Variants in MDM2 observed in about 807,000 individuals in gnomAD.
MDM2 encodes MDM2 proto-oncogene, also known as E3 ubiquitin-protein ligase Mdm2.
Under a neutral mutation model 64.3 loss-of-function variants are expected in MDM2, and 11 were observed. The ratio of observed to expected loss-of-function variants is 0.17; its 90% confidence interval spans 0.11 to 0.28. The LOEUF (loss-of-function observed/expected upper bound fraction) is 0.28, where lower values mean the gene tolerates loss of function less well. Among genes scored for constraint, MDM2 ranks in the 10% least tolerant of loss-of-function variants. MDM2 has a pLI of 1.00. For synonymous variants in MDM2, 194 were observed against 192.9 expected, an observed-to-expected ratio of 1.01 and a Z score of -0.05; for missense variants, 388 against 577.1, an observed-to-expected ratio of 0.67 and a Z score of 3.36.
At chr12:68,808,889 G>A in intron 1 of MDM2, 2 of 1,361,376 alleles carry the variant, frequency 1.5e-6, no homozygotes, top group Non-Finnish European at 1.9e-6. Context: ...GGCCGGTTCA[G>A]TGGGCAGGTT....
At chr12:68,820,461 A>T in intron 5 of MDM2, 87 bp downstream of exon 5, 1 of 1,020,854 alleles carries the variant, frequency 9.8e-7, no homozygotes, top group Non-Finnish European at 1.5e-6. Flanking sequence ...TATAATTGTG[A>T]TTCTCTTTAA....
At chr12:68,813,725 A>AT in intron 3 of MDM2, 97 bp downstream of exon 3, 1 of 799,630 alleles carries the variant, frequency 1.3e-6, no homozygotes, top group East Asian at 2.6e-5. Context: ...ATATAGAAGG[A>AT]TTTTTCATTA....
In MDM2 at chr12:68,842,120, A is replaced by T; in HGVS notation, c.*2271A>T. ...AATAATGAGCTTACAGTGGATTTGA[A>T]TTTGAAAAATATAGTAACAAGCCTG... On this transcript the variant is annotated 3_prime_UTR_variant, in exon 11 of 11. Coordinates refer to ENST00000258149, the MANE Select transcript of MDM2 (RefSeq NM_002392.6). The T allele has an allele frequency of 4.6e-6, 2 of 431,664 alleles. No individual in the cohort carries two copies. The highest frequency in any genetic ancestry group is 2.0e-5 in the South Asian group (1 of 49,838). 26.7% of individuals were successfully genotyped at this position (431,664 alleles called of 1,614,324 possible). A position where few individuals can be genotyped will look rare whatever the true frequency, so the allele number is the denominator to read the frequency against.
intron 4 of MDM2, among the ~76,000 whole-genome samples, chr12:68,818,139 G>A (rs1202804275): frequency 2.0e-5 from 3 of 152,084 alleles, no homozygotes; most frequent in South Asian, 2.1e-4. Flanking sequence ...CAGGCAATCC[G>A]TGTTGAGCCT....
At chr12:68,832,743 C>T (rs1390183809) in intron 8 of MDM2, among the ~76,000 whole-genome samples, 1 of 151,694 alleles carries the variant, frequency 6.6e-6, no homozygotes, top group African/African-American at 2.4e-5. Context: ...GGTCTCAAAC[C>T]GCTGGGCTTA....
Position 68,840,013 on chromosome 12 carries a change from C to T in MDM2, c.*164C>T. The T allele has an allele frequency of 1.7e-6, 1 of 602,240 alleles. No homozygotes were observed. Among genetic ancestry groups the T allele is most frequent in the Non-Finnish European group, 2.8e-6 (1 of 357,080 alleles). 37.3% of individuals were successfully genotyped at this position (602,240 alleles called of 1,614,324 possible). On this transcript the variant is annotated 3_prime_UTR_variant, in exon 11 of 11. Transcript: ENST00000258149. ...TACTTTGGTAGTGGAATAGTGAATACTTACTATAATTTGACTTGAATATGT... is the reference window on the plus strand; with the variant it reads ...TACTTTGGTAGTGGAATAGTGAATATTTACTATAATTTGACTTGAATATGT...
chr12:68,840,552 C>T lies in MDM2; in HGVS notation c.*703C>T, dbSNP rs1056471319. The stretch of plus-strand genomic sequence containing the variant: ...TTTGTTTTGAGATGAGTCTCTCTGT[C>T]GCCCAGGCTGGAGTGCAGTGTCATG... On this transcript the variant is annotated 3_prime_UTR_variant, in exon 11 of 11. Coordinates refer to ENST00000258149, the MANE Select transcript of MDM2 (RefSeq NM_002392.6). 1.1e-5 allele frequency: 2 copies of T among 189,222 alleles called. No homozygotes were observed. The highest frequency in any genetic ancestry group is 6.3e-5 in the Admixed American group (1 of 15,902). 11.7% of individuals were successfully genotyped at this position (189,222 alleles called of 1,614,324 possible). A position where few individuals can be genotyped will look rare whatever the true frequency, so the allele number is the denominator to read the frequency against.
intron 5 of MDM2, among the ~76,000 whole-genome samples, chr12:68,822,848 C>T (rs533519679): frequency 8.6e-5 from 13 of 151,724 alleles, no homozygotes; most frequent in African/African-American, 2.4e-4. Context: ...TTAAGTGATT[C>T]TCCTTCCTCA....
chr12:68,828,940 C>A lies in MDM2; in HGVS notation c.684+9C>A, dbSNP rs1196878163. On this transcript the variant is annotated intron_variant, in intron 8 of 10. Coordinates refer to ENST00000258149, the MANE Select transcript of MDM2 (RefSeq NM_002392.6). The stretch of plus-strand genomic sequence containing the variant: ...GGACGCCATCGAATCCGGTAATGTT[C>A]TCATTTTAAGTAAGGCAAGACTCTT... 1 of 1,613,374 alleles carries A rather than the reference C, an allele frequency of 6.2e-7. No homozygotes were observed. The highest frequency in any genetic ancestry group is 8.5e-7 in the Non-Finnish European group (1 of 1,179,606).
intron 7 of MDM2, among the ~76,000 whole-genome samples, chr12:68,826,564 G>A (rs866331105): frequency 2.7e-5 from 4 of 148,436 alleles, no homozygotes; most frequent in South Asian, 4.3e-4. Flanking sequence ...CAGGAGAATC[G>A]CTTGAACCTG....
Position 68,840,016 on chromosome 12 carries a change from A to G in MDM2, c.*167A>G. The G allele has an allele frequency of 1.7e-6, 1 of 594,992 alleles. No individual in the cohort carries two copies. The highest frequency in any genetic ancestry group is 2.5e-5 in the South Asian group (1 of 39,272). 36.9% of individuals were successfully genotyped at this position (594,992 alleles called of 1,614,324 possible). On this transcript the variant is annotated 3_prime_UTR_variant, in exon 11 of 11. Coordinates refer to ENST00000258149, the MANE Select transcript of MDM2 (RefSeq NM_002392.6). ...TTTGGTAGTGGAATAGTGAATACTTACTATAATTTGACTTGAATATGTAGC... is the reference window on the plus strand; with the variant it reads ...TTTGGTAGTGGAATAGTGAATACTTGCTATAATTTGACTTGAATATGTAGC...
chr12:68,837,378 GAGA>G (rs1883397810), intron 10 of MDM2, among the ~76,000 whole-genome samples: 1 of 143,358 alleles, frequency 7.0e-6, no homozygotes, highest in African/African-American at 2.6e-5. Context: ...TTTTTCAATT[GAGA>G]TAGGGTCCTG....
At chr12:68,810,040 G>C (rs1880723865) in intron 2 of MDM2, among the ~76,000 whole-genome samples, 1 of 152,022 alleles carries the variant, frequency 6.6e-6, no homozygotes, top group South Asian at 2.1e-4. Flanking sequence ...GGCTGGCCTC[G>C]GTGGCTCACC....
chr12:68,809,782 G>C (rs942116431), intron 2 of MDM2, among the ~76,000 whole-genome samples: 2 of 152,090 alleles, frequency 1.3e-5, no homozygotes, highest in Non-Finnish European at 2.9e-5. Flanking sequence ...TGTCCTGTTT[G>C]TTGTACTAAC....
At chr12:68,835,757 G>C (rs1231532688) in intron 8 of MDM2, 72 bp from the exon 9 acceptor site, 1 of 1,420,934 alleles carries the variant, frequency 7.0e-7, no homozygotes, top group Non-Finnish European at 9.6e-7. Context: ...GAGGCACAGG[G>C]ATGAGTTAGG....
At chr12:68,816,023 A>G (rs1193440152) in intron 3 of MDM2, among the ~76,000 whole-genome samples, 1 of 152,126 alleles carries the variant, frequency 6.6e-6, no homozygotes, top group Non-Finnish European at 1.5e-5. Flanking sequence ...CATTCTCAGA[A>G]TTCTCTCAAA....
In MDM2 at chr12:68,828,831, T is replaced by G. The variant is rs370504060; in HGVS notation, c.584T>G (p.Ile195Ser). 6.2e-7 allele frequency: 1 copy of G among 1,614,002 alleles called. No individual in the cohort carries two copies. Among genetic ancestry groups the G allele is most frequent in the Non-Finnish European group, 8.5e-7 (1 of 1,180,000 alleles). Residue 195 changes from isoleucine (I) to serine (S), a missense_variant, in exon 8 of 11, where the codon ATT (isoleucine) becomes AGT (serine). Physicochemically the swap from Ile to Ser is moderately radical, Grantham distance 142 (BLOSUM62 -2). Around this residue, in one of 5 missense-constraint regions of MDM2, gnomAD observed 168 missense variants for 236.6 expected, o/e 0.71. Coordinates refer to ENST00000258149, the MANE Select transcript of MDM2 (RefSeq NM_002392.6). ...AGAAAACGCCACAAATCTGATAGTA[T>G]TTCCCTTTCCTTTGATGAAAGCCTG... ...RQRKRHKSDSISLSFDESLAL... is the reference protein window; with the variant it reads ...RQRKRHKSDSSSLSFDESLAL...
At chr12:68,820,230 AGTAT>A in intron 4 of MDM2, 91 bp from the exon 5 acceptor site, 1 of 886,514 alleles carries the variant, frequency 1.1e-6, no homozygotes, top group East Asian at 2.5e-5. Flanking sequence ...GTTCATACTA[AGTAT>A]GTATGTAGAA....
Position 68,808,495 on chromosome 12 carries a change from C to G in MDM2, c.14+4C>G, listed in dbSNP as rs1294173107. On this transcript the variant is annotated splice_donor_region_variant and intron_variant, in intron 1 of 10. Transcript: ENST00000258149. ...AACCCCGGATGGTGAGGAGCAGGTA[C>G]TGGCCCGGCAGCGAGCGGTCACTTT... 6 of 1,614,140 alleles carry G rather than the reference C, an allele frequency of 3.7e-6. No individual in the cohort carries two copies. Among genetic ancestry groups the G allele is most frequent in the Non-Finnish European group, 5.1e-6 (6 of 1,179,998 alleles).
Sources: gnomAD v4.1 joint callset for allele counts (sites outside exome capture counted in the v4.1 genomes callset) on GRCh38, gnomAD v4.1.1 for gene constraint, gnomAD v4.1.1 regional missense constraint, MANE v1.5 for transcripts, NCBI Gene and HGNC (gene_info 2026-07-23, HGNC 2026-07-21) for gene names.